Variants in ATF7IP2 observed in about 807,000 individuals in gnomAD.
ATF7IP2 encodes the protein activating transcription factor 7-interacting protein 2.
In ATF7IP2, 42 loss-of-function variants were observed where a neutral mutation model predicts 64.2. The observed-to-expected ratio is 0.65, with a 90% CI of 0.51 to 0.85. The LOEUF is 0.85. Among genes scored for constraint, ATF7IP2 ranks in the 40% least tolerant of loss-of-function variants. The pLI is 0.00. For missense variants in ATF7IP2, 933 were observed against 784.2 expected, an observed-to-expected ratio of 1.19 and a Z score of -2.27; for synonymous variants, 308 against 272.8, an observed-to-expected ratio of 1.13 and a Z score of -1.27.
chr16:10,413,578 AT>A (rs2047814241), intron 1 of ATF7IP2, among the ~76,000 whole-genome samples: 1 of 152,032 alleles, frequency 6.6e-6, no homozygotes, highest in Admixed American at 6.6e-5. Context: ...TGTTGCCTTT[AT>A]ACCTTGGTTT....
intron 8 of ATF7IP2, chr16:10,447,045 G>C (rs2048831223): frequency 6.6e-6 from 1 of 152,126 alleles, no homozygotes; most frequent in African/African-American, 2.4e-5. Context: ...TGGATCAGTA[G>C]AAAACCCTGA....
Position 10,483,060 on chromosome 16 carries a change from A to G in ATF7IP2, c.*811A>G, listed in dbSNP as rs1385980944. ...AACGAAATGGCTTCCCATTCTTTCT[A>G]TTCAGCTTCTAAGTGGGCTATTCAT... On this transcript the variant is annotated 3_prime_UTR_variant, in exon 14 of 14. Transcript: ENST00000562102. The G allele has an allele frequency of 2.0e-5, 3 of 152,220 alleles. No individual in the cohort carries two copies. The highest frequency in any genetic ancestry group is 4.4e-5 in the Non-Finnish European group (3 of 68,026). 9.4% of individuals were successfully genotyped at this position (152,220 alleles called of 1,614,324 possible).
chr16:10,481,167 A>G (rs1469395929), intron 13 of ATF7IP2, among the ~76,000 whole-genome samples: 1 of 152,212 alleles, frequency 6.6e-6, no homozygotes. Flanking sequence ...TACTTTTTTT[A>G]TTGAACAAAT....
chr16:10,480,160 T>A (rs944606452), intron 12 of ATF7IP2, among the ~76,000 whole-genome samples: 8 of 151,888 alleles, frequency 5.3e-5, no homozygotes, highest in African/African-American at 1.4e-4. Flanking sequence ...GCTAATTTTG[T>A]ATTTTTAGTA....
chr16:10,412,706 T>C (rs1415463412), intron 1 of ATF7IP2, among the ~76,000 whole-genome samples: 1 of 152,186 alleles, frequency 6.6e-6, no homozygotes, highest in Non-Finnish European at 1.5e-5. Flanking sequence ...TTTCAGGGTA[T>C]AGTTTAAATC....
intron 1 of ATF7IP2, among the ~76,000 whole-genome samples, chr16:10,408,463 T>C (rs117861549): frequency 0.018 from 2,681 of 152,328 alleles, 77 homozygotes; most frequent in East Asian, 0.13. Flanking sequence ...ACCAGCAGCA[T>C]AGAAGTGTTC....
chr16:10,452,045 T>C (rs1438398982), intron 8 of ATF7IP2, among the ~76,000 whole-genome samples: 1 of 151,446 alleles, frequency 6.6e-6, no homozygotes, highest in Non-Finnish European at 1.5e-5. Flanking sequence ...AGAGCAAAAC[T>C]CCGTCCCAAA....
intron 8 of ATF7IP2, among the ~76,000 whole-genome samples, 159 bp downstream of exon 8, chr16:10,440,621 C>T (rs1405888176): frequency 6.6e-6 from 1 of 152,148 alleles, no homozygotes; most frequent in Non-Finnish European, 1.5e-5. Flanking sequence ...AAAAGACACC[C>T]TTAGGTAGTA....
intron 1 of ATF7IP2, among the ~76,000 whole-genome samples, chr16:10,403,459 A>T (rs1425224183): frequency 6.6e-6 from 1 of 152,094 alleles, no homozygotes; most frequent in Non-Finnish European, 1.5e-5. Flanking sequence ...AAGAAAAAAA[A>T]CTCCTGTCCT....
intron 1 of ATF7IP2, among the ~76,000 whole-genome samples, chr16:10,414,134 C>G (rs560367363): frequency 6.6e-6 from 1 of 152,162 alleles, no homozygotes; most frequent in African/African-American, 2.4e-5. Flanking sequence ...AGGTTTTTAA[C>G]AAGGCCCGGG....
chr16:10,433,024 G>A (rs980171869), intron 5 of ATF7IP2, among the ~76,000 whole-genome samples: 6 of 152,154 alleles, frequency 3.9e-5, no homozygotes, highest in Admixed American at 2.6e-4. Context: ...CAGAGTATCT[G>A]AGACCAGAAC....
chr16:10,457,241 A>T, intron 8 of ATF7IP2, 131 bp from the exon 9 acceptor site: 2 of 726,682 alleles, frequency 2.8e-6, no homozygotes, highest in Non-Finnish European at 4.5e-6. Flanking sequence ...GTCATCAGCC[A>T]TCGAAATACA....
At chr16:10,444,309 C>G (rs2048730579) in intron 8 of ATF7IP2, among the ~76,000 whole-genome samples, 1 of 151,962 alleles carries the variant, frequency 6.6e-6, no homozygotes, top group Admixed American at 6.6e-5. Flanking sequence ...GGGGTCATGC[C>G]TTTTTCACCT....
intron 8 of ATF7IP2, among the ~76,000 whole-genome samples, chr16:10,441,102 A>G (rs539925438): frequency 5.3e-5 from 8 of 152,288 alleles, no homozygotes; most frequent in Non-Finnish European, 1.0e-4. Context: ...TTGGCTGCAT[A>G]GTATTCCATG....
chr16:10,422,004 C>T (rs7404222), intron 3 of ATF7IP2, among the ~76,000 whole-genome samples: 117,400 of 152,258 alleles, frequency 0.77, 45,739 homozygotes, highest in East Asian at 0.87. Context: ...GTCCTGGCTG[C>T]AATGCCCCCA....
intron 1 of ATF7IP2, among the ~76,000 whole-genome samples, chr16:10,409,094 C>G (rs1751341173): frequency 6.6e-6 from 1 of 152,176 alleles, no homozygotes. Context: ...GCCCCTACAT[C>G]TGTGTCAATC....
chr16:10,481,755 A>C, intron 13 of ATF7IP2, 81 bp from the exon 14 acceptor site: 1 of 1,191,712 alleles, frequency 8.4e-7, no homozygotes, highest in Non-Finnish European at 1.2e-6. Flanking sequence ...TGATAAATGG[A>C]TTGAAGAATG....
At chr16:10,480,565 T>C (rs1337213366) in intron 12 of ATF7IP2, among the ~76,000 whole-genome samples, 1 of 151,490 alleles carries the variant, frequency 6.6e-6, no homozygotes, top group East Asian at 1.9e-4. Context: ...GTAGACATCT[T>C]TGTTGGCCTA....
intron 1 of ATF7IP2, among the ~76,000 whole-genome samples, chr16:10,412,734 C>T (rs1322408924): frequency 6.6e-6 from 1 of 152,130 alleles, no homozygotes; most frequent in African/African-American, 2.4e-5. Flanking sequence ...TCTTTGTTGA[C>T]TTTCTGTCTT....
Sources: gnomAD v4.1 joint callset for allele counts (sites outside exome capture counted in the v4.1 genomes callset) on GRCh38, gnomAD v4.1.1 for gene constraint, MANE v1.5 for transcripts, NCBI Gene and HGNC (gene_info 2026-07-23, HGNC 2026-07-21) for gene names.